The following PCDHGA5 variants were observed in gnomAD, a reference collection of about 807,000 sequenced individuals.
PCDHGA5 encodes protocadherin gamma-A5.
PCDHGA5 carries 36 observed loss-of-function variants against 56.7 expected under a neutral mutation model. That is an observed-to-expected ratio of 0.64 (90% CI 0.49 to 0.84). The LOEUF is 0.84. PCDHGA5 is among the 40% of genes least tolerant of loss of function. PCDHGA5 has a pLI of 0.00. For missense variants in PCDHGA5, 1,305 were observed against 1,201.5 expected (o/e 1.09, Z -1.27); for synonymous variants, 563 against 520.2 (o/e 1.08, Z -1.12).
chr5:141,497,540 CTT>C (rs754207034), intron 2 of PCDHGA5, among the ~76,000 whole-genome samples: 114 of 134,852 alleles, frequency 8.5e-4, no homozygotes, highest in Middle Eastern at 3.7e-3. Context: ...TGCAACAAAC[CTT>C]TTTTTTTTTT....
rs370792537 is a variant in PCDHGA5 at position 141,370,669 on chromosome 5, G to A, written c.2421+3918G>A. ...TTACTTGTGAGCGACCGTATAGACC[G>A]AGAGGAGATTTGTGGCAAGAAGTCG... is the stretch of plus-strand genomic sequence containing the variant. On this transcript the variant is annotated intron_variant, in intron 1 of 3. Coordinates refer to ENST00000518069, the MANE Select transcript of PCDHGA5 (RefSeq NM_018918.3). The A allele has an allele frequency of 5.6e-6, 9 of 1,613,788 alleles. No homozygotes were observed. In the East Asian group the frequency reaches 1.1e-4, roughly 20 times the overall value.
At position 141,485,222 on chromosome 5, in the gene PCDHGA5, C is replaced by T; in HGVS notation, c.2422-9585C>T. On this transcript the variant is annotated intron_variant, in intron 1 of 3. Transcript: ENST00000518069. The surrounding 1 kb of genome is among the most constrained non-coding windows in gnomAD (Gnocchi z 5.7). The stretch of plus-strand genomic sequence containing the variant: ...GACAGAAATCTGGCGGTGGGCTACC[C>T]TTTTGTTCCTCTTTTACCACCTGGG... 4 of 1,614,196 alleles carry T rather than the reference C, an allele frequency of 2.5e-6. No homozygotes were observed. Among genetic ancestry groups the T allele is most frequent in the Non-Finnish European group, 2.5e-6 (3 of 1,180,020 alleles).
intron 1 of PCDHGA5, among the ~76,000 whole-genome samples, chr5:141,443,035 CTT>C (rs2098359592): frequency 6.6e-6 from 1 of 152,208 alleles, no homozygotes; most frequent in African/African-American, 2.4e-5. Context: ...CAGACCTAAA[CTT>C]TGAAAATTAT....
chr5:141,376,417 G>A (rs750081761), intron 1 of PCDHGA5: 30 of 1,614,148 alleles, frequency 1.9e-5, no homozygotes, highest in Non-Finnish European at 2.5e-5. Context: ...ATGCCGACAC[G>A]CTTATCAACC....
rs2099612668 is a variant in PCDHGA5, at chr5:141,485,382, TGA to T, written c.2422-9424_2422-9423del. The T allele has an allele frequency of 6.2e-7, 1 of 1,613,538 alleles. No homozygotes were observed. The highest frequency in any genetic ancestry group is 8.5e-7 in the Non-Finnish European group (1 of 1,179,906). On this transcript the variant is annotated intron_variant, in intron 1 of 3. Coordinates refer to ENST00000518069, the MANE Select transcript of PCDHGA5 (RefSeq NM_018918.3). The surrounding 1 kb of genome is among the most constrained non-coding windows in gnomAD (Gnocchi z 5.7). ...CGCAGGCTGCAGGTCGCTGGAGAGG[TGA>T]ACCAAAGACACTTCCGTGTGGATTT...
chr5:141,468,950 T>TG (rs752125489), intron 1 of PCDHGA5, among the ~76,000 whole-genome samples: 34 of 140,680 alleles, frequency 2.4e-4, no homozygotes, highest in African/African-American at 4.9e-4. Context: ...GGTAAACCTG[T>TG]GGTTTTTTTT....
chr5:141,375,963 G>C (rs371650654), intron 1 of PCDHGA5: 4 of 1,613,262 alleles, frequency 2.5e-6, no homozygotes, highest in Non-Finnish European at 2.5e-6. Flanking sequence ...GGCGAGGTGC[G>C]CACGGCGCGC....
intron 1 of PCDHGA5, chr5:141,427,871 GA>G: frequency 6.4e-7 from 1 of 1,559,532 alleles, no homozygotes; most frequent in Non-Finnish European, 8.8e-7. Context: ...TCGAGCTCAC[GA>G]TGCAGGCCCA....
At chr5:141,386,834 G>A (rs1253552836) in intron 1 of PCDHGA5, among the ~76,000 whole-genome samples, 1 of 152,192 alleles carries the variant, frequency 6.6e-6, no homozygotes, top group East Asian at 1.9e-4. Context: ...GCAATGGAGA[G>A]ACATAATCAC....
intron 1 of PCDHGA5, chr5:141,478,182 AT>A: frequency 6.2e-7 from 1 of 1,613,984 alleles, no homozygotes. Context: ...CAGAAAAAAA[AT>A]CTCACCTTTT....
Position 141,485,087 on chromosome 5 carries a change from T to G in PCDHGA5, c.2422-9720T>G. The G allele has an allele frequency of 2.0e-6, 2 of 1,000,176 alleles. No homozygotes were observed. The highest frequency in any genetic ancestry group is 1.5e-6 in the Non-Finnish European group (1 of 651,808). 62.0% of individuals were successfully genotyped at this position (1,000,176 alleles called of 1,614,324 possible). A position where few individuals can be genotyped will look rare whatever the true frequency, so the allele number is the denominator to read the frequency against. The stretch of plus-strand genomic sequence containing the variant: ...CAGAGCTGGCGCGGGGAAAGGGAGA[T>G]AGGTGTCTCCAGCTGCTGTGGCTGT... On this transcript the variant is annotated intron_variant, in intron 1 of 3. Transcript: ENST00000518069. This position sits in a 1 kb window ranked among gnomAD's most constrained non-coding sequence, Gnocchi z 5.7.
intron 1 of PCDHGA5, among the ~76,000 whole-genome samples, chr5:141,463,393 C>CA (rs955461719): frequency 5.7e-5 from 8 of 140,804 alleles, no homozygotes; most frequent in Non-Finnish European, 7.6e-5. Flanking sequence ...TGTCTCCAGG[C>CA]AAAAAAAATG....
intron 1 of PCDHGA5, chr5:141,395,652 A>C (rs2093296938): frequency 6.0e-6 from 1 of 165,528 alleles, no homozygotes; most frequent in Admixed American, 6.1e-5. Context: ...TTAGCTTAGC[A>C]AAAGTAAAAT....
At chr5:141,475,934 G>T in intron 1 of PCDHGA5, 1 of 665,236 alleles carries the variant, frequency 1.5e-6, no homozygotes, top group Non-Finnish European at 2.5e-6. Context: ...TCGGGCCCCT[G>T]CCCGTCCCCT....
intron 3 of PCDHGA5, among the ~76,000 whole-genome samples, chr5:141,509,808 G>A (rs905531504): frequency 3.9e-5 from 6 of 152,028 alleles, no homozygotes; most frequent in Non-Finnish European, 7.4e-5. Context: ...TCATAGAGCC[G>A]AGCTCTTCTC....
At chr5:141,433,395 C>CTATA (rs1426636882) in intron 1 of PCDHGA5, among the ~76,000 whole-genome samples, 2 of 150,654 alleles carry the variant, frequency 1.3e-5, no homozygotes, top group African/African-American at 4.9e-5. Context: ...ATCTATCTAT[C>CTATA]TATCTATCTA....
chr5:141,491,048 C>G lies in PCDHGA5; in HGVS notation c.2422-3759C>G. On this transcript the variant is annotated intron_variant, in intron 1 of 3. Coordinates refer to ENST00000518069, the MANE Select transcript of PCDHGA5 (RefSeq NM_018918.3). The surrounding 1 kb of genome is among the most constrained non-coding windows in gnomAD (Gnocchi z 6.9). ...GTGGATGCTGATGCAGGCCACAATGCGTGGCTCTCCTACTCACTGTTGCCA... is the reference window on the plus strand; with the variant it reads ...GTGGATGCTGATGCAGGCCACAATGGGTGGCTCTCCTACTCACTGTTGCCA... 1.2e-6 allele frequency: 2 copies of G among 1,614,066 alleles called. No individual in the cohort carries two copies. Among genetic ancestry groups the G allele is most frequent in the Non-Finnish European group, 8.5e-7 (1 of 1,179,952 alleles).
intron 1 of PCDHGA5, chr5:141,393,441 C>G: frequency 6.2e-7 from 1 of 1,614,070 alleles, no homozygotes; most frequent in African/African-American, 1.3e-5. Flanking sequence ...TGCTCACCAC[C>G]TGGTCCTCAC....
At chr5:141,465,162 G>A (rs1464525964) in intron 1 of PCDHGA5, among the ~76,000 whole-genome samples, 1 of 151,654 alleles carries the variant, frequency 6.6e-6, no homozygotes, top group Non-Finnish European at 1.5e-5. Context: ...GACTCTAAAT[G>A]TTTATGAAGA....
Sources: allele counts gnomAD v4.1 joint callset (sites outside exome capture counted in the v4.1 genomes callset), GRCh38; gene constraint gnomAD v4.1.1; non-coding constraint Gnocchi (gnomAD v3.1); transcripts MANE v1.5; gene names NCBI Gene and HGNC (gene_info 2026-07-23, HGNC 2026-07-21).